The following TBCK variants were observed in gnomAD, a reference collection of about 807,000 sequenced individuals.
TBCK encodes the protein TBC1 domain containing kinase.
TBCK carries 99 observed loss-of-function variants against 113.4 expected under a neutral mutation model. The observed-to-expected ratio is 0.87, with a 90% CI of 0.74 to 1.03. The LOEUF (loss-of-function observed/expected upper bound fraction) is 1.03, where lower values mean the gene tolerates loss of function less well. Among genes scored for constraint, TBCK ranks in the 50% least tolerant of loss-of-function variants. The pLI is 0.00. For synonymous variants in TBCK, 369 were observed against 370.8 expected (o/e 1.00, Z 0.05); for missense variants, 1,045 against 1,061.3 (o/e 0.98, Z 0.21).
chr4:106,042,098 G>C lies in TBCK; in HGVS notation c.*4472C>G, dbSNP rs928369225. Reference sequence around the variant, plus strand: ...AAATTGAAGTTGGTAGCTGTGAAGAGGGTTTGGTCTTGACATTGAACATCC... The same window carrying C: ...AAATTGAAGTTGGTAGCTGTGAAGACGGTTTGGTCTTGACATTGAACATCC... On this transcript the variant is annotated 3_prime_UTR_variant, in exon 26 of 26. Coordinates refer to ENST00000394708, the MANE Select transcript of TBCK (RefSeq NM_001163435.3). The C allele has an allele frequency of 3.3e-5, 5 of 152,108 alleles. No homozygotes were observed. Among genetic ancestry groups the C allele is most frequent in the Non-Finnish European group, 7.4e-5 (5 of 68,018 alleles). 9.4% of individuals were successfully genotyped at this position (152,108 alleles called of 1,614,324 possible).
chr4:106,282,324 ATCT>A (rs1247652587), intron 3 of TBCK, among the ~76,000 whole-genome samples: 4 of 151,576 alleles, frequency 2.6e-5, no homozygotes, highest in South Asian at 2.1e-4. Flanking sequence ...AGGTTTGTAA[ATCT>A]TCTTTATCTT....
intron 25 of TBCK, among the ~76,000 whole-genome samples, chr4:106,059,401 C>CT (rs1387625442): frequency 1.0e-3 from 153 of 151,792 alleles, no homozygotes; most frequent in East Asian, 7.8e-4. Flanking sequence ...CTTCATACCT[C>CT]TAAGTTCCAT....
At chr4:106,104,787 G>A (rs894702706) in intron 24 of TBCK, among the ~76,000 whole-genome samples, 15 of 152,264 alleles carry the variant, frequency 9.9e-5, no homozygotes, top group African/African-American at 3.4e-4. Flanking sequence ...AGCTCCCAGA[G>A]GGAGGAACAG....
rs1375134867 is a variant in TBCK at position 106,046,617 on chromosome 4, T to A, written c.2635A>T (p.Lys879Ter). ...RICILDGGIN[K>*]IKPTGLLTIP... ...GTGAGGAGGCCTGTTGGCTTTATTT[T>A]ATTAATGCCACCATCTAGAATACAG... Residue 879 changes from lysine to a stop codon, truncating the protein, a stop_gained, in exon 26 of 26, where the codon AAA becomes TAA. Transcript: ENST00000394708. LOFTEE classifies it high-confidence loss of function. 1 of 1,612,562 alleles carries A rather than the reference T, an allele frequency of 6.2e-7. No homozygotes were observed. Among genetic ancestry groups the A allele is most frequent in the Non-Finnish European group, 8.5e-7 (1 of 1,178,782 alleles).
At chr4:106,120,776 TAACA>T (rs1376723307) in intron 23 of TBCK, among the ~76,000 whole-genome samples, 5 of 152,024 alleles carry the variant, frequency 3.3e-5, no homozygotes, top group African/African-American at 1.2e-4. Context: ...GAAGGAAAAC[TAACA>T]AACAGAAAGG....
intron 23 of TBCK, among the ~76,000 whole-genome samples, chr4:106,118,113 TAG>T (rs1743778182): frequency 6.6e-6 from 1 of 152,170 alleles, no homozygotes; most frequent in Non-Finnish European, 1.5e-5. Flanking sequence ...GTTATCAAAA[TAG>T]AGTCTAATAA....
intron 22 of TBCK, among the ~76,000 whole-genome samples, chr4:106,173,649 T>A (rs575284143): frequency 9.0e-4 from 137 of 152,246 alleles, no homozygotes; most frequent in African/African-American, 3.2e-3. Context: ...CTTGATGATG[T>A]ACTGGCATCC....
chr4:106,099,838 C>T (rs186366041), intron 24 of TBCK, among the ~76,000 whole-genome samples: 84 of 152,202 alleles, frequency 5.5e-4, no homozygotes, highest in Middle Eastern at 3.4e-3. Flanking sequence ...ACTTGATTTA[C>T]AATATTGACA....
intron 15 of TBCK, among the ~76,000 whole-genome samples, chr4:106,234,757 G>GA (rs1759261538): frequency 6.6e-6 from 1 of 152,054 alleles, no homozygotes; most frequent in Admixed American, 6.6e-5. Context: ...TAGTATTGCA[G>GA]GCCACCATAA....
chr4:106,241,647 A>T (rs1760153006), intron 12 of TBCK, among the ~76,000 whole-genome samples: 1 of 152,026 alleles, frequency 6.6e-6, no homozygotes, highest in South Asian at 2.1e-4. Context: ...TATTCAATAT[A>T]TGGTACTGAG....
intron 2 of TBCK, among the ~76,000 whole-genome samples, chr4:106,300,569 A>G (rs1330982072): frequency 6.6e-6 from 1 of 152,212 alleles, no homozygotes; most frequent in South Asian, 2.1e-4. Flanking sequence ...ACAGTTCAAA[A>G]CCAACAAAGA....
intron 25 of TBCK, among the ~76,000 whole-genome samples, chr4:106,053,957 A>C (rs1735102095): frequency 6.6e-6 from 1 of 151,714 alleles, no homozygotes; most frequent in Admixed American, 6.6e-5. Flanking sequence ...GTATTAGCTC[A>C]AGTGATGGTT....
chr4:106,139,704 T>C (rs560162261), intron 23 of TBCK, among the ~76,000 whole-genome samples: 1 of 141,712 alleles, frequency 7.1e-6, no homozygotes, highest in Non-Finnish European at 1.6e-5. Flanking sequence ...AGAGATGTAC[T>C]TTGAGTTTGT....
chr4:106,113,613 AC>A (rs1359718463), intron 24 of TBCK, among the ~76,000 whole-genome samples: 1 of 152,158 alleles, frequency 6.6e-6, no homozygotes, highest in African/African-American at 2.4e-5. Context: ...CCAACCTGGT[AC>A]CAGAAATAAA....
At chr4:106,054,849 A>G (rs370488142) in intron 25 of TBCK, among the ~76,000 whole-genome samples, 76 of 151,758 alleles carry the variant, frequency 5.0e-4, no homozygotes, top group African/African-American at 1.8e-3. Flanking sequence ...GTCAAATGCT[A>G]GTTGCTTTTA....
At chr4:106,278,540 C>G (rs142853045) in intron 3 of TBCK, among the ~76,000 whole-genome samples, 2,283 of 105,502 alleles carry the variant, frequency 0.022, 56 homozygotes, top group African/African-American at 0.077. Flanking sequence ...TCCTGGGCAA[C>G]AGAGTGAAAC....
chr4:106,176,569 T>C (rs1751692529), intron 22 of TBCK, among the ~76,000 whole-genome samples: 1 of 152,104 alleles, frequency 6.6e-6, no homozygotes, highest in East Asian at 1.9e-4. Context: ...GTTTTCTTTA[T>C]TCATTCATTC....
chr4:106,160,759 T>A (rs1309600869), intron 23 of TBCK, among the ~76,000 whole-genome samples: 9 of 151,986 alleles, frequency 5.9e-5, no homozygotes, highest in Non-Finnish European at 7.4e-5. Flanking sequence ...AAATTCCACT[T>A]TTGGATATAT....
At chr4:106,315,311 T>TA (rs571156066) in intron 1 of TBCK, among the ~76,000 whole-genome samples, 16 of 152,154 alleles carry the variant, frequency 1.1e-4, no homozygotes, top group African/African-American at 3.4e-4. Flanking sequence ...TCAAAGAACT[T>TA]AGAGTTTTAA....
Sources: gnomAD v4.1 joint callset for allele counts (sites outside exome capture counted in the v4.1 genomes callset) on GRCh38, gnomAD v4.1.1 for gene constraint, MANE v1.5 for transcripts, NCBI Gene and HGNC (gene_info 2026-07-23, HGNC 2026-07-21) for gene names.